AUH: variants seen among roughly 807,000 people sequenced by gnomAD.
The protein encoded by AUH is methylglutaconyl-CoA hydratase, mitochondrial.
AUH carries 29 observed loss-of-function variants against 42.3 expected under a neutral mutation model. That is an observed-to-expected ratio of 0.69 (90% CI 0.51 to 0.93). AUH has a LOEUF of 0.93. Ranked by LOEUF, AUH falls within the 40% of genes least tolerant of loss-of-function variation. The pLI is 0.00. For missense variants in AUH, 452 were observed against 438.1 expected (o/e 1.03, Z -0.28); for synonymous variants, 174 against 166.4 (o/e 1.05, Z -0.35).
chr9:91,312,167 A>G (rs1486706792), intron 4 of AUH, among the ~76,000 whole-genome samples: 5 of 152,224 alleles, frequency 3.3e-5, no homozygotes, highest in Admixed American at 6.5e-5. Context: ...ATAAAACAGA[A>G]GAGCTTTCAA....
intron 6 of AUH, among the ~76,000 whole-genome samples, chr9:91,290,588 A>C (rs1826784151): frequency 6.6e-6 from 1 of 152,184 alleles, no homozygotes; most frequent in Admixed American, 6.5e-5. Flanking sequence ...GTAGGTTCTA[A>C]TTAATGCAGC....
intron 6 of AUH, among the ~76,000 whole-genome samples, chr9:91,235,332 T>A (rs1033292674): frequency 6.6e-6 from 1 of 151,996 alleles, no homozygotes; most frequent in East Asian, 1.9e-4. Context: ...GGAATAAGTG[T>A]TGTCTGAAAT....
chr9:91,232,343 A>G (rs1209939163), intron 6 of AUH, among the ~76,000 whole-genome samples: 1 of 152,212 alleles, frequency 6.6e-6, no homozygotes, highest in Non-Finnish European at 1.5e-5. Flanking sequence ...ACTGCAGTCC[A>G]GCCTGGGTGA....
intron 4 of AUH, among the ~76,000 whole-genome samples, chr9:91,300,193 GC>G (rs1008244663): frequency 1.3e-5 from 2 of 151,752 alleles, no homozygotes; most frequent in Admixed American, 6.6e-5. Context: ...TAATTTCTCA[GC>G]CTTCTTCCCC....
chr9:91,250,917 C>T (rs1164827933), intron 6 of AUH, among the ~76,000 whole-genome samples: 3 of 152,172 alleles, frequency 2.0e-5, no homozygotes, highest in Admixed American at 6.5e-5. Context: ...CACATCAGCA[C>T]ATCCCCTGGG....
At chr9:91,280,999 G>A (rs1282451344) in intron 6 of AUH, among the ~76,000 whole-genome samples, 4 of 151,964 alleles carry the variant, frequency 2.6e-5, no homozygotes, top group South Asian at 2.1e-4. Flanking sequence ...GTGTCTGATC[G>A]CGGATTTCTC....
intron 4 of AUH, among the ~76,000 whole-genome samples, chr9:91,316,099 T>C (rs985266528): frequency 6.6e-6 from 1 of 152,238 alleles, no homozygotes; most frequent in African/African-American, 2.4e-5. Flanking sequence ...AGAAATTTGG[T>C]TGTTTTTCAG....
At chr9:91,354,309 C>A (rs972141675) in intron 3 of AUH, among the ~76,000 whole-genome samples, 1 of 152,152 alleles carries the variant, frequency 6.6e-6, no homozygotes, top group Admixed American at 6.5e-5. Context: ...AAAATACAGT[C>A]ACAAATCTTG....
intron 3 of AUH, among the ~76,000 whole-genome samples, chr9:91,342,359 T>C (rs991944099): frequency 1.3e-5 from 2 of 152,088 alleles, no homozygotes; most frequent in African/African-American, 2.4e-5. Flanking sequence ...ATCAGGAAAA[T>C]CTCCCCATCG....
intron 6 of AUH, among the ~76,000 whole-genome samples, chr9:91,229,817 C>G (rs1475734411): frequency 6.7e-6 from 1 of 149,436 alleles, no homozygotes; most frequent in Admixed American, 6.6e-5. Flanking sequence ...ACTTATGAAG[C>G]TTAGTTTGGC....
intron 1 of AUH, among the ~76,000 whole-genome samples, chr9:91,358,450 C>T (rs1832605698): frequency 6.6e-6 from 1 of 152,134 alleles, no homozygotes; most frequent in South Asian, 2.1e-4. Flanking sequence ...CTCTGTGATC[C>T]TCAGTTTCTT....
intron 6 of AUH, among the ~76,000 whole-genome samples, chr9:91,283,641 A>C (rs1022842955): frequency 1.3e-5 from 2 of 152,224 alleles, no homozygotes; most frequent in Non-Finnish European, 2.9e-5. Flanking sequence ...AATGTGCAAA[A>C]ATCACAAGCA....
chr9:91,245,300 G>A (rs1828734388), intron 6 of AUH, among the ~76,000 whole-genome samples: 1 of 152,152 alleles, frequency 6.6e-6, no homozygotes, highest in African/African-American at 2.4e-5. Flanking sequence ...TGAAAAGTAT[G>A]AGACTATTAC....
At chr9:91,287,339 C>T (rs557823690) in intron 6 of AUH, among the ~76,000 whole-genome samples, 1 of 152,206 alleles carries the variant, frequency 6.6e-6, no homozygotes, top group East Asian at 1.9e-4. Context: ...CAAATTTATA[C>T]ACTGATTAAA....
At chr9:91,297,698 T>C (rs1467772358) in intron 5 of AUH, among the ~76,000 whole-genome samples, 1 of 151,840 alleles carries the variant, frequency 6.6e-6, no homozygotes, top group Non-Finnish European at 1.5e-5. Flanking sequence ...GCTCAAGTGA[T>C]CCTCCCACCT....
intron 6 of AUH, among the ~76,000 whole-genome samples, chr9:91,233,093 C>T (rs1827979492): frequency 6.6e-6 from 1 of 152,138 alleles, no homozygotes; most frequent in Admixed American, 6.5e-5. Flanking sequence ...AAACAAAGCC[C>T]CTGGCCCCTG....
chr9:91,287,077 T>A (rs186388167), intron 6 of AUH, among the ~76,000 whole-genome samples: 102 of 150,536 alleles, frequency 6.8e-4, no homozygotes, highest in African/African-American at 2.4e-3. Context: ...ATTAGAAAAA[T>A]AAAATACTTA....
intron 6 of AUH, among the ~76,000 whole-genome samples, chr9:91,266,739 T>A (rs946161553): frequency 1.3e-5 from 2 of 152,166 alleles, no homozygotes; most frequent in African/African-American, 4.8e-5. Flanking sequence ...CTTTAACAAG[T>A]AATAAAAATT....
intron 5 of AUH, among the ~76,000 whole-genome samples, chr9:91,297,100 G>A (rs532782738): frequency 3.3e-5 from 5 of 152,336 alleles, no homozygotes; most frequent in Admixed American, 1.3e-4. Flanking sequence ...TGTCCACAAC[G>A]ATGAATATGG....
Sources: gnomAD v4.1 joint callset for allele counts (sites outside exome capture counted in the v4.1 genomes callset) on GRCh38, gnomAD v4.1.1 for gene constraint, MANE v1.5 for transcripts, NCBI Gene and HGNC (gene_info 2026-07-23, HGNC 2026-07-21) for gene names.